The following DNAH12 variants were observed in gnomAD, a reference collection of about 807,000 sequenced individuals.
DNAH12 encodes dynein axonemal heavy chain 12.
DNAH12 carries 285 observed loss-of-function variants against 371.5 expected under a neutral mutation model. That is an observed-to-expected ratio of 0.77 (90% CI 0.70 to 0.85). The LOEUF is 0.85. Among genes scored for constraint, DNAH12 ranks in the 40% least tolerant of loss-of-function variants. DNAH12 has a pLI of 0.00. For missense variants in DNAH12, 3,611 were observed against 3,689.4 expected, an observed-to-expected ratio of 0.98 and a Z score of 0.55; for synonymous variants, 1,200 against 1,213.0, an observed-to-expected ratio of 0.99 and a Z score of 0.22.
At chr3:57,299,654 A>T (rs1356516466) in intron 70 of DNAH12, among the ~76,000 whole-genome samples, 1 of 152,136 alleles carries the variant, frequency 6.6e-6, no homozygotes, top group Non-Finnish European at 1.5e-5. Flanking sequence ...ATAAGGGTGG[A>T]GCCCTCATGA....
chr3:57,359,416 G>A (rs991088271), intron 58 of DNAH12, among the ~76,000 whole-genome samples: 8 of 151,646 alleles, frequency 5.3e-5, no homozygotes, highest in South Asian at 2.1e-4. Context: ...AAAATTAGCC[G>A]GACGTGGTGG....
At chr3:57,517,662 T>A in intron 4 of DNAH12, among the ~76,000 whole-genome samples, 1 of 152,324 alleles carries the variant, frequency 6.6e-6, no homozygotes, top group Middle Eastern at 3.4e-3. Context: ...TCTCCTAAAA[T>A]AAAAATATGT....
chr3:57,527,761 T>G (rs764647525), intron 2 of DNAH12, among the ~76,000 whole-genome samples: 6 of 152,224 alleles, frequency 3.9e-5, no homozygotes, highest in African/African-American at 1.2e-4. Flanking sequence ...GTTAGAGCTC[T>G]TTATATATTA....
chr3:57,462,923 C>T, intron 17 of DNAH12, 48 bp from the exon 18 acceptor site: 1 of 1,327,248 alleles, frequency 7.5e-7, no homozygotes, highest in Non-Finnish European at 1.0e-6. Context: ...TTGACTTCCA[C>T]ACACATAGAT....
chr3:57,419,119 A>G (rs1448971791), intron 37 of DNAH12, among the ~76,000 whole-genome samples: 4 of 152,212 alleles, frequency 2.6e-5, no homozygotes, highest in Non-Finnish European at 5.9e-5. Flanking sequence ...GTGTGCTGTT[A>G]CAAATCAAAA....
intron 25 of DNAH12, among the ~76,000 whole-genome samples, chr3:57,447,128 T>C (rs1312622203): frequency 6.6e-6 from 1 of 152,190 alleles, no homozygotes; most frequent in African/African-American, 2.4e-5. Context: ...ATTATATAAT[T>C]TTGTCTACGA....
At chr3:57,534,604 G>T (rs1014482091) in intron 2 of DNAH12, among the ~76,000 whole-genome samples, 13 of 149,656 alleles carry the variant, frequency 8.7e-5, no homozygotes, top group Non-Finnish European at 1.5e-4. Flanking sequence ...CACCTCCCAG[G>T]TTCCAGTGAT....
rs1180289342 is a variant in DNAH12 at position 57,302,561 on chromosome 3, A to ATTT, written c.11190-623_11190-622insAAA. 2.2e-3 allele frequency among the ~76,000 whole-genome samples: 100 copies of ATTT among 45,122 alleles called. 2 individuals are homozygous for ATTT. The highest frequency in any genetic ancestry group is 4.3e-3 in the East Asian group (1 of 230). The allele number at this position is 45,122 out of a possible 152,430, so 29.6% of individuals were successfully genotyped here. A position where few individuals can be genotyped will look rare whatever the true frequency, so the allele number is the denominator to read the frequency against. ...TATATATATATATATATATATATAT[A>ATTT]TATGTATTTTTTTTTTTTTTTTTTT... On this transcript the variant is annotated intron_variant, in intron 69 of 73. Transcript: ENST00000495027.
rs1553681961 is a variant in DNAH12 at position 57,408,418 on chromosome 3, G to T, written c.6138C>A (p.Asn2046Lys). The T allele has an allele frequency of 1.3e-6, 2 of 1,551,590 alleles. No individual in the cohort carries two copies. Among genetic ancestry groups the T allele is most frequent in the East Asian group, 2.4e-5 (1 of 40,912 alleles). ...PVTPRCIRHF[N>K]ICSINSFSDE... is the part of the protein sequence containing the mutation. ...CACTAAAAGAATTAATACTGCAGAT[G>T]TTGAAATGTCGAATACAACGGGGAG... The change falls in exon 40 of 74, where the codon AAC (asparagine) becomes AAA (lysine). Residue 2046 changes from asparagine (N) to lysine (K), a missense_variant. Coordinates refer to ENST00000495027, the MANE Select transcript of DNAH12 (RefSeq NM_001366028.2).
At chr3:57,356,214 G>C (rs1287632658) in intron 59 of DNAH12, among the ~76,000 whole-genome samples, 1 of 152,040 alleles carries the variant, frequency 6.6e-6, no homozygotes, top group Non-Finnish European at 1.5e-5. Flanking sequence ...TGCTGAGTCG[G>C]GCAGATTTCT....
At chr3:57,519,015 G>C (rs1232972065) in intron 4 of DNAH12, among the ~76,000 whole-genome samples, 1 of 152,142 alleles carries the variant, frequency 6.6e-6, no homozygotes, top group African/African-American at 2.4e-5. Context: ...AAACATAAAG[G>C]AATGTTAGAA....
rs1208407306 is a variant in DNAH12, at chr3:57,296,864, G to C, written c.11515C>G (p.Leu3839Val). 4 of 1,551,288 alleles carry C rather than the reference G, an allele frequency of 2.6e-6. No homozygotes were observed. Among genetic ancestry groups the C allele is most frequent in the African/African-American group, 1.4e-5 (1 of 72,968 alleles). ...ARKYTTPIDL[L>V]GYEFEVIPSD... The stretch of plus-strand genomic sequence containing the variant: ...TACTATACCTCAAATTCATATCCTA[G>C]CAAATCAATAGGGGTGGTATATTTT... The change falls in exon 71 of 74, where the codon CTA becomes GTA. Residue 3839 changes from leucine to valine, a missense_variant. Transcript: ENST00000495027.
chr3:57,407,980 T>C (rs75482534), intron 40 of DNAH12, among the ~76,000 whole-genome samples: 1,613 of 152,296 alleles, frequency 0.011, 29 homozygotes, highest in African/African-American at 0.036. Flanking sequence ...ATACTAGTTT[T>C]AGATGTTTTC....
At chr3:57,294,028 C>A (rs778836123) in intron 73 of DNAH12, 57 bp from the exon 74 acceptor site, 13 of 1,330,102 alleles carry the variant, frequency 9.8e-6, no homozygotes, top group South Asian at 3.7e-5. Context: ...GCCATTGGTA[C>A]GAAAAGAACT....
At position 57,403,388 on chromosome 3, in the gene DNAH12, G is replaced by A. The variant is rs1553679752; in HGVS notation, c.6869C>T (p.Thr2290Ile). The A allele has an allele frequency of 1.3e-6, 2 of 1,551,084 alleles. No individual in the cohort carries two copies. Among genetic ancestry groups the A allele is most frequent in the East Asian group, 4.9e-5 (2 of 40,912 alleles). Residue 2290 changes from threonine to isoleucine, a missense_variant, in exon 43 of 74, where the codon ACA becomes ATA. By Grantham distance (89) the Thr-to-Ile change is moderately conservative. This residue lies in a region of DNAH12 where 2,266 missense variants were observed against 2,236.9 expected (regional missense o/e 1.01). Transcript: ENST00000495027. The part of the protein sequence containing the change: ...SGRQSLTRLA[T>I]SMAKMHIFQP... Reference sequence around the variant, plus strand: ...GAAAATATGCATTTTTGCCATGGATGTAGCCAGACGAGTTAAAGATTGACG... The same window carrying A: ...GAAAATATGCATTTTTGCCATGGATATAGCCAGACGAGTTAAAGATTGACG...
chr3:57,513,348 C>T (rs553116995), intron 4 of DNAH12, among the ~76,000 whole-genome samples: 26 of 152,124 alleles, frequency 1.7e-4, no homozygotes, highest in African/African-American at 6.3e-4. Flanking sequence ...AAGGGAGTAA[C>T]ACAAAACAAA....
chr3:57,448,268 C>T (rs1015684325), intron 25 of DNAH12, among the ~76,000 whole-genome samples: 4 of 152,054 alleles, frequency 2.6e-5, no homozygotes, highest in Non-Finnish European at 4.4e-5. Flanking sequence ...CTGGTGGGTT[C>T]GTGGTCTCGC....
chr3:57,318,924 A>G (rs1305356632), intron 65 of DNAH12, among the ~76,000 whole-genome samples: 2 of 152,194 alleles, frequency 1.3e-5, no homozygotes, highest in East Asian at 3.9e-4. Context: ...GGATTTTGAT[A>G]GGGATTGCTA....
chr3:57,323,402 A>AAGGAATCAG, intron 63 of DNAH12, 67 bp downstream of exon 63: 5 of 1,475,994 alleles, frequency 3.4e-6, no homozygotes, highest in Non-Finnish European at 4.5e-6. Flanking sequence ...ATAATCATAT[A>AAGGAATCAG]AGGAATCAGT....
Sources: gnomAD v4.1 joint callset for allele counts (sites outside exome capture counted in the v4.1 genomes callset) on GRCh38, gnomAD v4.1.1 for gene constraint, gnomAD v4.1.1 regional missense constraint, MANE v1.5 for transcripts, NCBI Gene and HGNC (gene_info 2026-07-23, HGNC 2026-07-21) for gene names.